Variants in NDUFS4 observed in about 807,000 individuals in gnomAD.
NDUFS4 encodes NADH dehydrogenase [ubiquinone] iron-sulfur protein 4, mitochondrial.
A neutral mutation model predicts 24.3 loss-of-function variants in NDUFS4; 28 were observed. That is an observed-to-expected ratio of 1.15 (90% CI 0.85 to 1.58). The LOEUF is 1.58. Among genes scored for constraint, NDUFS4 ranks in the 40% most tolerant of loss-of-function variants. The pLI is 0.00. For missense variants in NDUFS4, 223 were observed against 207.9 expected (o/e 1.07, Z -0.45); for synonymous variants, 93 against 69.7 (o/e 1.34, Z -1.67).
chr5:53,581,315 C>T (rs1427153766), intron 1 of NDUFS4, among the ~76,000 whole-genome samples: 1 of 152,162 alleles, frequency 6.6e-6, no homozygotes, highest in African/African-American at 2.4e-5. Context: ...TGCTATCATC[C>T]TGCCTCCTAA....
At position 53,664,793 on chromosome 5, in the gene NDUFS4, G is replaced by A. The variant is rs181817182; in HGVS notation, c.424+6169G>A. The stretch of plus-strand genomic sequence containing the variant: ...GGTTTCAAACTTCCTCCTTTAGCTC[G>A]GAGTAGTTTGATCGTCTGAAGCCTT... On this transcript the variant is annotated intron_variant, in intron 4 of 4. Transcript: ENST00000296684. 3.9e-5 allele frequency among the ~76,000 whole-genome samples: 6 copies of A among 152,136 alleles called. No homozygotes were observed. The East Asian group carries it at 5.8e-4, about 15-fold the overall frequency.
intron 2 of NDUFS4, among the ~76,000 whole-genome samples, chr5:53,638,678 A>C (rs1382521137): frequency 2.6e-5 from 4 of 152,054 alleles, no homozygotes; most frequent in African/African-American, 9.7e-5. Flanking sequence ...ACAAACTTGC[A>C]CTTGTATCCC....
At chr5:53,657,155 T>C (rs1739379910) in intron 3 of NDUFS4, among the ~76,000 whole-genome samples, 1 of 152,218 alleles carries the variant, frequency 6.6e-6, no homozygotes, top group Admixed American at 6.5e-5. Context: ...CCAATGTGCC[T>C]GTCAACACTT....
intron 1 of NDUFS4, among the ~76,000 whole-genome samples, chr5:53,590,988 G>A (rs1399630594): frequency 6.6e-6 from 1 of 152,064 alleles, no homozygotes; most frequent in African/African-American, 2.4e-5. Context: ...CTGTTTCTGT[G>A]AGTTTGACTA....
chr5:53,646,515 C>A, intron 3 of NDUFS4, 110 bp downstream of exon 3: 2 of 1,114,864 alleles, frequency 1.8e-6, no homozygotes, highest in Non-Finnish European at 1.3e-6. Context: ...TATGACAGTA[C>A]TTTTTGACGC....
chr5:53,570,747 G>A (rs1242181927), intron 1 of NDUFS4, among the ~76,000 whole-genome samples: 4 of 143,404 alleles, frequency 2.8e-5, no homozygotes, highest in Non-Finnish European at 6.0e-5. Flanking sequence ...GCAGTGGCAC[G>A]ATCTTGGCTC....
chr5:53,588,042 G>A (rs1749822697), intron 1 of NDUFS4, among the ~76,000 whole-genome samples: 1 of 152,112 alleles, frequency 6.6e-6, no homozygotes, highest in Admixed American at 6.5e-5. Context: ...TGTTGTACAG[G>A]CATGCTTTGG....
chr5:53,642,430 A>G (rs1475321873), intron 2 of NDUFS4, among the ~76,000 whole-genome samples: 1 of 152,144 alleles, frequency 6.6e-6, no homozygotes, highest in Non-Finnish European at 1.5e-5. Flanking sequence ...ATGACGGACA[A>G]TGATGAAAAT....
intron 2 of NDUFS4, among the ~76,000 whole-genome samples, chr5:53,618,566 T>C (rs1369468007): frequency 2.0e-5 from 3 of 152,180 alleles, no homozygotes; most frequent in African/African-American, 7.2e-5. Context: ...TTTTGTCATG[T>C]AACTTGCCTT....
At chr5:53,566,849 A>G (rs918604791) in intron 1 of NDUFS4, among the ~76,000 whole-genome samples, 4 of 136,692 alleles carry the variant, frequency 2.9e-5, no homozygotes, top group Non-Finnish European at 6.3e-5. Flanking sequence ...ACCGCCAAGT[A>G]TTTTTTTTTT....
chr5:53,565,911 C>T (rs1009682606), intron 1 of NDUFS4, among the ~76,000 whole-genome samples: 3 of 151,630 alleles, frequency 2.0e-5, no homozygotes, highest in Admixed American at 1.3e-4. Flanking sequence ...CGGTGGCTCA[C>T]GCCTGTAATC....
intron 2 of NDUFS4, among the ~76,000 whole-genome samples, chr5:53,633,550 A>G (rs766424965): frequency 4.0e-4 from 61 of 152,162 alleles, no homozygotes; most frequent in Admixed American, 5.9e-4. Context: ...CCCACTCTTC[A>G]TCTAGCCTAC....
intron 4 of NDUFS4, among the ~76,000 whole-genome samples, 157 bp from the exon 5 acceptor site, chr5:53,682,961 G>GAAC (rs1740719724): frequency 6.6e-6 from 1 of 151,852 alleles, no homozygotes; most frequent in Non-Finnish European, 1.5e-5. Flanking sequence ...GATTATAAGG[G>GAAC]AACAAATAGT....
intron 4 of NDUFS4, among the ~76,000 whole-genome samples, chr5:53,676,370 C>T (rs1028144699): frequency 1.3e-5 from 2 of 152,188 alleles, no homozygotes; most frequent in African/African-American, 4.8e-5. Context: ...TTCCTGCAGG[C>T]CTCTGGTCAC....
At chr5:53,613,390 TAGC>T (rs1212573506) in intron 2 of NDUFS4, among the ~76,000 whole-genome samples, 2 of 151,998 alleles carry the variant, frequency 1.3e-5, no homozygotes, top group African/African-American at 2.4e-5. Context: ...CATCAAAGAA[TAGC>T]AGCCTTTGAG....
rs772397241 is a variant in NDUFS4, at chr5:53,658,541, T to C, written c.351-10T>C. The C allele has an allele frequency of 5.0e-6, 8 of 1,610,084 alleles. No individual in the cohort carries two copies. Among genetic ancestry groups the C allele is most frequent in the Admixed American group, 1.7e-5 (1 of 59,902 alleles). ...ATGTTAAATCTTGGAAAAAAATTTGTTTCTTACAGGGCTGATCCCTTATCC... is the reference window on the plus strand; with the variant it reads ...ATGTTAAATCTTGGAAAAAAATTTGCTTCTTACAGGGCTGATCCCTTATCC... On this transcript the variant is annotated splice_polypyrimidine_tract_variant and intron_variant, in intron 3 of 4. Coordinates refer to ENST00000296684, the MANE Select transcript of NDUFS4 (RefSeq NM_002495.4).
intron 2 of NDUFS4, among the ~76,000 whole-genome samples, chr5:53,614,909 G>A (rs531674394): frequency 6.6e-6 from 1 of 151,984 alleles, no homozygotes; most frequent in Admixed American, 6.6e-5. Context: ...TCATATTCTA[G>A]AGAGTACTCA....
At chr5:53,628,128 A>G (rs1004175730) in intron 2 of NDUFS4, among the ~76,000 whole-genome samples, 12 of 152,144 alleles carry the variant, frequency 7.9e-5, no homozygotes, top group South Asian at 2.1e-4. Context: ...TTCTGCATCT[A>G]TTGAGATAAT....
chr5:53,647,576 G>A (rs1751905502), intron 3 of NDUFS4, among the ~76,000 whole-genome samples: 1 of 152,118 alleles, frequency 6.6e-6, no homozygotes, highest in Non-Finnish European at 1.5e-5. Flanking sequence ...TGAAGTCAGT[G>A]ACCTAATTCT....
Sources: allele counts gnomAD v4.1 joint callset (sites outside exome capture counted in the v4.1 genomes callset), GRCh38; gene constraint gnomAD v4.1.1; transcripts MANE v1.5; gene names NCBI Gene and HGNC (gene_info 2026-07-23, HGNC 2026-07-21).